GRAMD2B: variants seen among roughly 807,000 people sequenced by gnomAD.
The protein encoded by GRAMD2B is GRAM domain-containing protein 2B.
A neutral mutation model predicts 59.2 loss-of-function variants in GRAMD2B; 41 were observed. The observed-to-expected ratio is 0.69, with a 90% CI of 0.54 to 0.90. GRAMD2B has a LOEUF of 0.90. GRAMD2B is among the 40% of genes least tolerant of loss of function. The probability of loss-of-function intolerance (pLI) is 0.00; values close to 1 mark genes in which losing one functional copy is unlikely to be tolerated. For missense variants in GRAMD2B, 424 were observed against 500.5 expected (o/e 0.85, Z 1.46); for synonymous variants, 161 against 182.7 (o/e 0.88, Z 0.96).
intron 1 of GRAMD2B, among the ~76,000 whole-genome samples, chr5:126,450,652 TAAAAAAA>T (rs10544199): frequency 1.5e-4 from 14 of 96,052 alleles, no homozygotes; most frequent in East Asian, 3.4e-4. Context: ...AGCCTGCTGT[TAAAAAAA>T]AAAAAAAAAA....
rs1215911902 is a variant in GRAMD2B, at chr5:126,411,880, TG to T, written c.125+40316del. On this transcript the variant is annotated intron_variant, in intron 1 of 8. Transcript: ENST00000506445. ...TGTGTGTTTGTGTGTCTATTTTAAATGGGATTGCATTCTTGATTTGGCTCTC... is the reference window on the plus strand; with the variant it reads ...TGTGTGTTTGTGTGTCTATTTTAAATGGATTGCATTCTTGATTTGGCTCTC... 3.1e-5 allele frequency among the ~76,000 whole-genome samples: 3 copies of T among 95,586 alleles called. No homozygotes were observed. The Admixed American group carries it at 3.4e-4, about 11-fold the overall frequency. The allele number at this position is 95,586 out of a possible 152,430, so 62.7% of individuals were successfully genotyped here. A position where few individuals can be genotyped will look rare whatever the true frequency, so the allele number is the denominator to read the frequency against.
upstream of GRAMD2B, among the ~76,000 whole-genome samples, chr5:126,368,041 G>T (rs1754548275): frequency 6.6e-6 from 1 of 152,152 alleles, no homozygotes; most frequent in Non-Finnish European, 1.5e-5. Flanking sequence ...GTGAGCCACC[G>T]CGCCCGGCCG....
At chr5:126,380,867 C>T (rs999652235) in intron 1 of GRAMD2B, among the ~76,000 whole-genome samples, 2 of 152,250 alleles carry the variant, frequency 1.3e-5, no homozygotes, top group Admixed American at 1.3e-4. Flanking sequence ...TTGACTTCCT[C>T]TTTACCCATT....
At chr5:126,471,056 T>C (rs544337933) in intron 3 of GRAMD2B, among the ~76,000 whole-genome samples, 2 of 152,180 alleles carry the variant, frequency 1.3e-5, no homozygotes, top group Non-Finnish European at 2.9e-5. Flanking sequence ...ATAAGGAGTT[T>C]ATCTGTAAAA....
Position 126,438,757 on chromosome 5 carries a change from T to A in GRAMD2B, c.83+15068T>A, listed in dbSNP as rs190402472. On this transcript the variant is annotated intron_variant, in intron 1 of 13. Coordinates refer to ENST00000285689, the MANE Select transcript of GRAMD2B (RefSeq NM_023927.4). ...GGCTGATTTGGGGATTTTATCTGAGTGGGCATGGCAGAACGATTAGCATGA... is the reference window on the plus strand; with the variant it reads ...GGCTGATTTGGGGATTTTATCTGAGAGGGCATGGCAGAACGATTAGCATGA... Among the ~76,000 whole-genome samples, 716 of 152,132 alleles carry A rather than the reference T, an allele frequency of 4.7e-3. 4 individuals are homozygous for A. The highest frequency in any genetic ancestry group is 6.0e-3 in the Non-Finnish European group (406 of 67,990).
rs113406483 is a variant in GRAMD2B at position 126,457,631 on chromosome 5, G to A, written c.84-7795G>A. ...GGGCAATACAGCAAGACTCTGTCTC[G>A]GGGGGAAAAAAATTGTATATATATC... is the stretch of plus-strand genomic sequence containing the variant. On this transcript the variant is annotated intron_variant, in intron 1 of 13. Coordinates refer to ENST00000285689, the MANE Select transcript of GRAMD2B (RefSeq NM_023927.4). Among the ~76,000 whole-genome samples, 981 of 151,998 alleles carry A rather than the reference G, an allele frequency of 6.5e-3. 10 individuals carry two copies. Among genetic ancestry groups the A allele is most frequent in the African/African-American group, 0.023 (940 of 41,444 alleles).
chr5:126,431,010 G>T (rs1322373136), intron 1 of GRAMD2B, among the ~76,000 whole-genome samples: 1 of 152,126 alleles, frequency 6.6e-6, no homozygotes, highest in Non-Finnish European at 1.5e-5. Context: ...CATGTATAAA[G>T]TCAGAAATTA....
At chr5:126,469,490 C>T (rs1769134523) in intron 2 of GRAMD2B, among the ~76,000 whole-genome samples, 187 bp from the exon 3 acceptor site, 3 of 152,066 alleles carry the variant, frequency 2.0e-5, no homozygotes. Flanking sequence ...AAAAAATGAG[C>T]TGGGCATGGT....
At chr5:126,410,389 T>C (rs1325702453) in intron 1 of GRAMD2B, among the ~76,000 whole-genome samples, 1 of 151,830 alleles carries the variant, frequency 6.6e-6, no homozygotes. Flanking sequence ...TAGTTCTCCT[T>C]GAAGAGGTCC....
chr5:126,398,650 T>C (rs1010558137), intron 1 of GRAMD2B, among the ~76,000 whole-genome samples: 12 of 152,098 alleles, frequency 7.9e-5, no homozygotes, highest in African/African-American at 2.9e-4. Context: ...TGGGCTTAAT[T>C]AGTTGAGGTT....
In GRAMD2B at chr5:126,471,444, C is replaced by T. The variant is rs1225050800; in HGVS notation, c.316-794C>T. Among the ~76,000 whole-genome samples the T allele has an allele frequency of 5.9e-5, 9 of 152,326 alleles. No individual in the cohort carries two copies. In the South Asian group the frequency reaches 1.4e-3, roughly 25 times the overall value. ...TTACAAGCTGTAAATTGCTGGCTAT[C>T]CATTGTTATTGTCACAGTTGTGAAA... On this transcript the variant is annotated intron_variant, in intron 3 of 13. Coordinates refer to ENST00000285689, the MANE Select transcript of GRAMD2B (RefSeq NM_023927.4).
chr5:126,487,030 A>G (rs1461668985), intron 12 of GRAMD2B, 53 bp downstream of exon 12: 2 of 924,364 alleles, frequency 2.2e-6, no homozygotes, highest in Non-Finnish European at 3.6e-6. Context: ...TTAATATAAT[A>G]ATTGACCTGA....
intron 1 of GRAMD2B, among the ~76,000 whole-genome samples, chr5:126,381,009 A>G (rs1755611551): frequency 6.6e-6 from 1 of 152,008 alleles, no homozygotes. Flanking sequence ...TCAACTTTTC[A>G]CCATTCAGTA....
At chr5:126,443,789 C>A (rs565866745) in intron 1 of GRAMD2B, among the ~76,000 whole-genome samples, 1 of 152,196 alleles carries the variant, frequency 6.6e-6, no homozygotes, top group Non-Finnish European at 1.5e-5. Context: ...GTGGGTCATG[C>A]CTGTAATCCC....
At chr5:126,436,560 G>A (rs138310080) in intron 1 of GRAMD2B, among the ~76,000 whole-genome samples, 91 of 152,316 alleles carry the variant, frequency 6.0e-4, no homozygotes, top group African/African-American at 2.0e-3. Flanking sequence ...GCTGAGGTGG[G>A]AGGATCGCTT....
chr5:126,423,830 T>G, intron 1 of GRAMD2B, 141 bp downstream of exon 1: 2 of 630,090 alleles, frequency 3.2e-6, no homozygotes, highest in Non-Finnish European at 5.3e-6. Context: ...TCTCTGTCTC[T>G]CACTCTCTCT....
At chr5:126,362,086 A>G (rs930718051) in intron 1 of GRAMD2B, among the ~76,000 whole-genome samples, 2 of 152,158 alleles carry the variant, frequency 1.3e-5, no homozygotes, top group Admixed American at 6.5e-5. Context: ...TTTTATTACT[A>G]GTGGAGAATA....
At chr5:126,462,604 T>C (rs1036076579) in intron 1 of GRAMD2B, among the ~76,000 whole-genome samples, 1 of 152,182 alleles carries the variant, frequency 6.6e-6, no homozygotes. Flanking sequence ...AACGTATAAA[T>C]GACCACTGTG....
chr5:126,420,222 G>A (rs1252249145), upstream of GRAMD2B, among the ~76,000 whole-genome samples: 3 of 152,000 alleles, frequency 2.0e-5, no homozygotes, highest in Admixed American at 1.3e-4. Context: ...TTTTTATCTT[G>A]TCTCCTCTCA....
Sources: allele counts gnomAD v4.1 joint callset (sites outside exome capture counted in the v4.1 genomes callset), GRCh38; gene constraint gnomAD v4.1.1; transcripts MANE v1.5; gene names NCBI Gene and HGNC (gene_info 2026-07-23, HGNC 2026-07-21).